The following SLC25A21 variants were observed in gnomAD, a reference collection of about 807,000 sequenced individuals.
The protein encoded by SLC25A21 is mitochondrial 2-oxodicarboxylate carrier.
In SLC25A21, 47 loss-of-function variants were observed where a neutral mutation model predicts 43.8. That is an observed-to-expected ratio of 1.07 (90% CI 0.85 to 1.37). The LOEUF is 1.37. Among genes scored for constraint, SLC25A21 ranks in the 40% most tolerant of loss-of-function variants. The pLI, the probability that SLC25A21 is intolerant of heterozygous loss-of-function variation, is 0.00. For missense variants in SLC25A21, 352 were observed against 350.2 expected (o/e 1.00, Z -0.04); for synonymous variants, 131 against 121.3 (o/e 1.08, Z -0.52).
intron 1 of SLC25A21, among the ~76,000 whole-genome samples, chr14:36,922,899 C>A (rs756541639): frequency 6.6e-6 from 1 of 152,086 alleles, no homozygotes; most frequent in Non-Finnish European, 1.5e-5. Flanking sequence ...CAGTGAAATC[C>A]AGACCCTCAA....
intron 1 of SLC25A21, among the ~76,000 whole-genome samples, chr14:37,137,126 T>C (rs1221497324): frequency 6.6e-6 from 1 of 152,146 alleles, no homozygotes; most frequent in African/African-American, 2.4e-5. Flanking sequence ...GCCTCCTGAG[T>C]AGCTGGGACT....
intron 1 of SLC25A21, among the ~76,000 whole-genome samples, chr14:37,106,378 G>C (rs1962913103): frequency 6.6e-6 from 1 of 152,016 alleles, no homozygotes; most frequent in African/African-American, 2.4e-5. Context: ...CCTGGGGGGA[G>C]GTCTATAAAC....
At chr14:36,784,240 T>C (rs1048651239) in intron 3 of SLC25A21, among the ~76,000 whole-genome samples, 4 of 152,206 alleles carry the variant, frequency 2.6e-5, no homozygotes, top group Non-Finnish European at 5.9e-5. Context: ...TTGATCTCCA[T>C]TGACTATTAG....
At chr14:36,703,851 G>A (rs567103691) in intron 7 of SLC25A21, among the ~76,000 whole-genome samples, 1 of 152,290 alleles carries the variant, frequency 6.6e-6, no homozygotes, top group Admixed American at 6.5e-5. Context: ...TGCAATGAGA[G>A]TTTATTCCCA....
At chr14:36,945,853 G>A (rs2138655292) in intron 1 of SLC25A21, among the ~76,000 whole-genome samples, 1 of 152,144 alleles carries the variant, frequency 6.6e-6, no homozygotes, top group East Asian at 1.9e-4. Context: ...ACTTAAAAAT[G>A]GTTAAGATGG....
intron 1 of SLC25A21, among the ~76,000 whole-genome samples, chr14:37,051,818 C>G (rs755983966): frequency 1.5e-4 from 23 of 152,156 alleles, no homozygotes; most frequent in Admixed American, 3.9e-4. Flanking sequence ...GGAAAATACT[C>G]TGACCTCATT....
chr14:37,108,055 A>T (rs575137926), intron 1 of SLC25A21, among the ~76,000 whole-genome samples: 1 of 152,214 alleles, frequency 6.6e-6, no homozygotes, highest in Non-Finnish European at 1.5e-5. Flanking sequence ...AAGGCTCTTA[A>T]GCCTTGTCGT....
intron 3 of SLC25A21, among the ~76,000 whole-genome samples, chr14:36,739,424 TCCCAG>T (rs1885163860): frequency 6.6e-6 from 1 of 152,150 alleles, no homozygotes; most frequent in African/African-American, 2.4e-5. Context: ...ACACCTGTAA[TCCCAG>T]CACTTCGGGA....
At chr14:37,081,526 CTG>C (rs1962387922) in intron 1 of SLC25A21, among the ~76,000 whole-genome samples, 3 of 152,172 alleles carry the variant, frequency 2.0e-5, no homozygotes, top group Admixed American at 2.0e-4. Context: ...TCTCCCAAGA[CTG>C]TTGTATCAAA....
intron 1 of SLC25A21, among the ~76,000 whole-genome samples, chr14:37,020,335 T>C (rs553643311): frequency 3.3e-5 from 5 of 151,910 alleles, no homozygotes; most frequent in African/African-American, 1.2e-4. Flanking sequence ...CATAAATAAG[T>C]CATTAGATTG....
intron 1 of SLC25A21, among the ~76,000 whole-genome samples, chr14:37,075,001 T>G (rs774106238): frequency 8.5e-5 from 13 of 152,174 alleles, no homozygotes; most frequent in Non-Finnish European, 1.3e-4. Flanking sequence ...AAAGCATCAT[T>G]GTTAATTACA....
intron 1 of SLC25A21, among the ~76,000 whole-genome samples, chr14:37,155,148 G>A: frequency 6.6e-6 from 1 of 151,384 alleles, no homozygotes; most frequent in African/African-American, 2.4e-5. Context: ...TCAGCTCACT[G>A]CAACCTCTGC....
chr14:37,029,758 C>CTTTTTTTT (rs57538608), intron 1 of SLC25A21, among the ~76,000 whole-genome samples: 1 of 106,272 alleles, frequency 9.4e-6, no homozygotes, highest in Non-Finnish European at 1.8e-5. Flanking sequence ...TAATAGCCGA[C>CTTTTTTTT]TTTTTTTTTT....
chr14:36,746,612 TCACCAGACAGCTCATTG>T, intron 3 of SLC25A21, among the ~76,000 whole-genome samples: 1 of 152,298 alleles, frequency 6.6e-6, no homozygotes, highest in South Asian at 2.1e-4. Context: ...ATTAAGTCCT[TCACCAGACAGCTCATTG>T]ATAAATAAGC....
intron 1 of SLC25A21, among the ~76,000 whole-genome samples, chr14:37,162,077 G>A (rs1480221343): frequency 2.0e-5 from 3 of 152,012 alleles, no homozygotes; most frequent in African/African-American, 7.2e-5. Context: ...CACAGGCCAA[G>A]GAATACCAAG....
intron 3 of SLC25A21, among the ~76,000 whole-genome samples, chr14:36,787,494 A>G (rs552117098): frequency 1.3e-4 from 20 of 152,314 alleles, no homozygotes; most frequent in South Asian, 2.1e-4. Context: ...GCACTTTTAA[A>G]AAGGATAGCC....
intron 1 of SLC25A21, among the ~76,000 whole-genome samples, chr14:37,130,725 C>T (rs1176396524): frequency 6.6e-6 from 1 of 152,188 alleles, no homozygotes; most frequent in African/African-American, 2.4e-5. Flanking sequence ...TCTCATTAGG[C>T]CCCTGGCAGT....
Position 36,678,689 on chromosome 14 carries a change from T to A in SLC25A21, c.*1969A>T. ...TTACTTGCTTGTGTGGAAATGCAAATAATGTTATTTTCTTTATCTAAATTA... is the reference window on the plus strand; with the variant it reads ...TTACTTGCTTGTGTGGAAATGCAAAAAATGTTATTTTCTTTATCTAAATTA... On this transcript the variant is annotated 3_prime_UTR_variant, in exon 10 of 10. Coordinates refer to ENST00000331299, the MANE Select transcript of SLC25A21 (RefSeq NM_030631.4). The A allele has an allele frequency of 1.6e-6, 2 of 1,250,472 alleles. No individual in the cohort carries two copies. The highest frequency in any genetic ancestry group is 1.0e-6 in the Non-Finnish European group (1 of 996,414). 77.5% of individuals were successfully genotyped at this position (1,250,472 alleles called of 1,614,324 possible). A position where few individuals can be genotyped will look rare whatever the true frequency, so the allele number is the denominator to read the frequency against.
chr14:36,919,133 C>A (rs1891909459), intron 1 of SLC25A21, among the ~76,000 whole-genome samples: 1 of 151,836 alleles, frequency 6.6e-6, no homozygotes, highest in Non-Finnish European at 1.5e-5. Context: ...CTTATAACCT[C>A]AAATACTACA....
Sources: gnomAD v4.1 joint callset for allele counts (sites outside exome capture counted in the v4.1 genomes callset) on GRCh38, gnomAD v4.1.1 for gene constraint, MANE v1.5 for transcripts, NCBI Gene and HGNC (gene_info 2026-07-23, HGNC 2026-07-21) for gene names.